NPHP4: variants seen among roughly 807,000 people sequenced by gnomAD.
NPHP4 encodes the protein nephrocystin-4.
In NPHP4, 151 loss-of-function variants were observed where a neutral mutation model predicts 155.8. That is an observed-to-expected ratio of 0.97 (90% CI 0.85 to 1.11). The LOEUF is 1.11. Ranked by LOEUF, NPHP4 falls within the 50% of genes least tolerant of loss-of-function variation. NPHP4 has a pLI of 0.00. For synonymous variants in NPHP4, 845 were observed against 816.8 expected, an observed-to-expected ratio of 1.03 and a Z score of -0.59; for missense variants, 1,956 against 1,925.7, an observed-to-expected ratio of 1.02 and a Z score of -0.29.
Position 5,896,827 on chromosome 1 carries a change from G to A in NPHP4, c.2144-5799C>T, listed in dbSNP as rs1431080041. On this transcript the variant is annotated intron_variant, in intron 16 of 29. Coordinates refer to ENST00000378156, the MANE Select transcript of NPHP4 (RefSeq NM_015102.5). ...GAGAGCACAAGATGAGCCTGGAACC[G>A]GCACTGCTCCAGAAAGCAGGACGCG... Among the ~76,000 whole-genome samples, 4 of 152,120 alleles carry A rather than the reference G, an allele frequency of 2.6e-5. No homozygotes were observed. In the East Asian group the frequency reaches 5.8e-4, roughly 22 times the overall value.
rs1466394011 is a variant in NPHP4 at position 5,867,985 on chromosome 1, T to C, written c.3316-89A>G. Reference sequence around the variant, plus strand: ...CCTTAGACAGCACACGTATCTCCACTGTTGCCAAGACCCCCTCACCCTCCA... The same window carrying C: ...CCTTAGACAGCACACGTATCTCCACCGTTGCCAAGACCCCCTCACCCTCCA... On this transcript the variant is annotated intron_variant, in intron 23 of 29. Transcript: ENST00000378156. This position sits in a 1 kb window ranked among gnomAD's most constrained non-coding sequence, Gnocchi z 4.1. 2.8e-6 allele frequency: 4 copies of C among 1,410,074 alleles called. No homozygotes were observed. In the African/African-American group the frequency reaches 5.6e-5, roughly 20 times the overall value. 87.3% of individuals were successfully genotyped at this position (1,410,074 alleles called of 1,614,324 possible).
At chr1:5,986,110 A>G (rs759214382) in intron 2 of NPHP4, 45 bp downstream of exon 2, 3 of 1,608,432 alleles carry the variant, frequency 1.9e-6, no homozygotes, top group Non-Finnish European at 2.6e-6. Context: ...GCCTCATGTC[A>G]GCTAAGAGCA....
At chr1:5,902,424 T>C (rs932233612) in intron 16 of NPHP4, among the ~76,000 whole-genome samples, 2 of 152,194 alleles carry the variant, frequency 1.3e-5, no homozygotes, top group Non-Finnish European at 2.9e-5. Context: ...TTATCATGAA[T>C]AAATGCATGA....
At chr1:5,897,008 G>A (rs1245269490) in intron 16 of NPHP4, among the ~76,000 whole-genome samples, 1 of 152,174 alleles carries the variant, frequency 6.6e-6, no homozygotes, top group Non-Finnish European at 1.5e-5. Flanking sequence ...CCACTGCTGG[G>A]CTAACTATTC....
intron 18 of NPHP4, among the ~76,000 whole-genome samples, chr1:5,885,519 T>C (rs1048950161): frequency 1.3e-5 from 2 of 152,228 alleles, no homozygotes; most frequent in African/African-American, 4.8e-5. Context: ...ATCAGCTGTG[T>C]GAAGCAGCCA....
chr1:5,865,264 C>G lies in NPHP4; in HGVS notation c.3654G>C (p.Trp1218Cys). The change falls in exon 27 of 30, where the codon TGG becomes TGC. Residue 1218 changes from tryptophan (W) to cysteine (C), a missense_variant. By Grantham distance (215) the Trp-to-Cys change is radical. Transcript: ENST00000378156. ...DFFVIIYSDR[W>C]LATPTQTWQV... ...GCCACGTCTGTGTGGGTGTCGCCAG[C>G]CAGCGATCCCTGCAGTGGGATGGGA... 1 of 1,562,118 alleles carries G rather than the reference C, an allele frequency of 6.4e-7. No homozygotes were observed.
chr1:5,932,514 G>A (rs1032712469), intron 10 of NPHP4, among the ~76,000 whole-genome samples: 5 of 152,150 alleles, frequency 3.3e-5, no homozygotes, highest in Non-Finnish European at 7.3e-5. Context: ...TGTCTGTGGT[G>A]CCCTGGGTCA....
In NPHP4 at chr1:5,948,142, A is replaced by G; in HGVS notation, c.920T>C (p.Val307Ala). ...CGTCAAGGCCACATCCATCTCAGGCACCAGTACAACGACCTGCGGCCTCTG... is the reference window on the plus strand; with the variant it reads ...CGTCAAGGCCACATCCATCTCAGGCGCCAGTACAACGACCTGCGGCCTCTG... ...FVQRPQVVVLVPEMDVALTRS... is the reference protein window; with the variant it reads ...FVQRPQVVVLAPEMDVALTRS... The change falls in exon 8 of 30, where the codon GTG becomes GCG. Residue 307 changes from valine to alanine, a missense_variant. Coordinates refer to ENST00000378156, the MANE Select transcript of NPHP4 (RefSeq NM_015102.5). 6.2e-7 allele frequency: 1 copy of G among 1,613,774 alleles called. No individual in the cohort carries two copies. Among genetic ancestry groups the G allele is most frequent in the Non-Finnish European group, 8.5e-7 (1 of 1,179,842 alleles).
At chr1:5,898,021 C>T (rs931159295) in intron 16 of NPHP4, among the ~76,000 whole-genome samples, 1 of 152,196 alleles carries the variant, frequency 6.6e-6, no homozygotes, top group African/African-American at 2.4e-5. Flanking sequence ...AAGGAAGAGA[C>T]GGCAAGGCTG....
intron 19 of NPHP4, among the ~76,000 whole-genome samples, chr1:5,879,834 AACACACACAGAC>A (rs1643058940): frequency 1.0e-5 from 1 of 97,600 alleles, no homozygotes; most frequent in Admixed American, 9.5e-5. Flanking sequence ...CACACACGCA[AACACACACAGAC>A]ACGCACACAG....
chr1:5,885,880 G>C (rs965409457), intron 18 of NPHP4, among the ~76,000 whole-genome samples: 1 of 152,222 alleles, frequency 6.6e-6, no homozygotes, highest in South Asian at 2.1e-4. Context: ...GCACTGATGC[G>C]CAGAGTGCTG....
intron 9 of NPHP4, among the ~76,000 whole-genome samples, chr1:5,940,300 G>A (rs988802742): frequency 2.6e-5 from 4 of 151,988 alleles, no homozygotes; most frequent in East Asian, 1.9e-4. Context: ...TTGCCCTTTC[G>A]CTAGGGAGTG....
chr1:5,954,284 AT>A (rs796497768), intron 6 of NPHP4, among the ~76,000 whole-genome samples: 37 of 152,338 alleles, frequency 2.4e-4, no homozygotes, highest in African/African-American at 7.0e-4. Context: ...AACAAAAAAA[AT>A]CATACTGTCA....
intron 16 of NPHP4, among the ~76,000 whole-genome samples, chr1:5,901,820 T>G (rs568481002): frequency 2.2e-4 from 34 of 152,184 alleles, no homozygotes; most frequent in Non-Finnish European, 4.7e-4. Context: ...GTCTGATCCA[T>G]TTTACAGCCT....
Position 5,961,775 on chromosome 1 carries a change from G to T in NPHP4, c.673+19C>A. The T allele has an allele frequency of 6.2e-7, 1 of 1,604,274 alleles. No individual in the cohort carries two copies. Among genetic ancestry groups the T allele is most frequent in the South Asian group, 1.1e-5 (1 of 89,372 alleles). ...ACAGACTCACCTCACCAAGTGGAGA[G>T]AATCAAAGACGCCCTTACCGGATTC... On this transcript the variant is annotated intron_variant, in intron 6 of 29. Coordinates refer to ENST00000378156, the MANE Select transcript of NPHP4 (RefSeq NM_015102.5).
At chr1:5,956,066 G>GT (rs1553190524) in intron 6 of NPHP4, among the ~76,000 whole-genome samples, 1 of 150,100 alleles carries the variant, frequency 6.7e-6, no homozygotes, top group Non-Finnish European at 1.5e-5. Flanking sequence ...AGCTGGGGGG[G>GT]GGGGGTGCAG....
intron 11 of NPHP4, among the ~76,000 whole-genome samples, chr1:5,920,180 C>G (rs760653837): frequency 6.6e-5 from 10 of 152,190 alleles, no homozygotes; most frequent in Non-Finnish European, 1.5e-5. Context: ...ATATGCCCGC[C>G]TGAACCTCCC....
At chr1:5,958,961 A>C (rs2102089772) in intron 6 of NPHP4, among the ~76,000 whole-genome samples, 1 of 146,280 alleles carries the variant, frequency 6.8e-6, no homozygotes, top group South Asian at 2.2e-4. Flanking sequence ...CAGGGCCCAC[A>C]CGGCACTGGC....
chr1:5,906,788 T>C (rs1644932491), intron 13 of NPHP4, among the ~76,000 whole-genome samples: 1 of 152,224 alleles, frequency 6.6e-6, no homozygotes, highest in Non-Finnish European at 1.5e-5. Context: ...TCTCAGCCTG[T>C]CTATAGATAT....
Sources: allele counts gnomAD v4.1 joint callset (sites outside exome capture counted in the v4.1 genomes callset), GRCh38; gene constraint gnomAD v4.1.1; non-coding constraint Gnocchi (gnomAD v3.1); transcripts MANE v1.5; gene names NCBI Gene and HGNC (gene_info 2026-07-23, HGNC 2026-07-21).